Variants in MYO5B observed in about 807,000 individuals in gnomAD.
The protein encoded by MYO5B is myosin VB.
In MYO5B, 143 loss-of-function variants were observed where a neutral mutation model predicts 229.3. The ratio of observed to expected loss-of-function variants is 0.62; its 90% CI spans 0.54 to 0.72. The LOEUF is 0.72. Among genes scored for constraint, MYO5B ranks in the 30% least tolerant of loss-of-function variants. The pLI, the probability that MYO5B is intolerant of heterozygous loss-of-function variation, is 0.00. For missense variants in MYO5B, 2,321 were observed against 2,331.0 expected (o/e 1.00, Z 0.09); for synonymous variants, 918 against 885.2 (o/e 1.04, Z -0.66).
intron 1 of MYO5B, among the ~76,000 whole-genome samples, chr18:50,188,658 A>G (rs2033181995): frequency 6.6e-6 from 1 of 152,014 alleles, no homozygotes; most frequent in Non-Finnish European, 1.5e-5. Flanking sequence ...GTGGTGGCAC[A>G]CACCTGTAGT....
intron 39 of MYO5B, among the ~76,000 whole-genome samples, chr18:49,834,666 T>A (rs2023964839): frequency 6.6e-6 from 1 of 151,958 alleles, no homozygotes; most frequent in Admixed American, 6.6e-5. Flanking sequence ...GAGACAAGAG[T>A]CTCACTCTGT....
chr18:50,037,216 AACACAC>A (rs141553304), intron 3 of MYO5B, among the ~76,000 whole-genome samples: 13 of 146,634 alleles, frequency 8.9e-5, no homozygotes, highest in African/African-American at 2.2e-4. Flanking sequence ...CACACACACA[AACACAC>A]ACACACACAC....
chr18:49,840,127 G>A (rs1393085727), intron 35 of MYO5B: 2 of 152,400 alleles, frequency 1.3e-5, no homozygotes, highest in South Asian at 2.1e-4. Context: ...CAGAGAATAT[G>A]AGCACATGTA....
At chr18:50,071,558 C>A (rs1440457561) in intron 1 of MYO5B, among the ~76,000 whole-genome samples, 2 of 152,210 alleles carry the variant, frequency 1.3e-5, no homozygotes, top group African/African-American at 2.4e-5. Context: ...AATAACTCAT[C>A]AGCACAGGGC....
At chr18:50,176,068 T>C (rs866089955) in intron 1 of MYO5B, among the ~76,000 whole-genome samples, 3 of 152,260 alleles carry the variant, frequency 2.0e-5, no homozygotes, top group Non-Finnish European at 4.4e-5. Context: ...TCCAGGCATT[T>C]TGCTGTCCTG....
chr18:50,153,180 C>T (rs1262874621), intron 1 of MYO5B, among the ~76,000 whole-genome samples: 2 of 152,096 alleles, frequency 1.3e-5, no homozygotes, highest in Non-Finnish European at 2.9e-5. Context: ...AGATGTGGCA[C>T]GTTCGTACTA....
At chr18:50,070,146 C>G (rs2030920443) in intron 1 of MYO5B, among the ~76,000 whole-genome samples, 1 of 151,334 alleles carries the variant, frequency 6.6e-6, no homozygotes, top group African/African-American at 2.4e-5. Flanking sequence ...CTCAGCCTCC[C>G]TAGTAGCTGG....
chr18:50,127,518 C>T (rs2032184412), intron 1 of MYO5B, among the ~76,000 whole-genome samples: 1 of 152,134 alleles, frequency 6.6e-6, no homozygotes, highest in African/African-American at 2.4e-5. Context: ...GAGTCCTCAG[C>T]TGAAAGAGAA....
intron 5 of MYO5B, among the ~76,000 whole-genome samples, chr18:49,993,428 G>A (rs1021641860): frequency 2.6e-5 from 4 of 152,068 alleles, no homozygotes; most frequent in Non-Finnish European, 5.9e-5. Context: ...ATAGTGAGAA[G>A]CAAAAGGTCA....
At chr18:50,118,518 A>G (rs1240637960) in intron 1 of MYO5B, among the ~76,000 whole-genome samples, 3 of 151,934 alleles carry the variant, frequency 2.0e-5, no homozygotes. Flanking sequence ...CTGGTGTGGG[A>G]CTCAATTTGC....
chr18:49,956,313 G>A (rs1278306700), intron 12 of MYO5B, among the ~76,000 whole-genome samples: 1 of 152,188 alleles, frequency 6.6e-6, no homozygotes, highest in Non-Finnish European at 1.5e-5. Flanking sequence ...TGCTATGTTT[G>A]TAAACATTTT....
At chr18:49,933,269 GC>G (rs1329752973) in intron 16 of MYO5B, among the ~76,000 whole-genome samples, 4 of 152,242 alleles carry the variant, frequency 2.6e-5, no homozygotes, top group Non-Finnish European at 5.9e-5. Flanking sequence ...TATGACAACC[GC>G]CCCAGGCCAC....
chr18:50,156,424 C>G (rs939266050), intron 1 of MYO5B, among the ~76,000 whole-genome samples: 1 of 152,146 alleles, frequency 6.6e-6, no homozygotes, highest in Admixed American at 6.5e-5. Flanking sequence ...ATAGTGAGTT[C>G]TCATGAGATC....
chr18:50,167,327 A>C (rs1005090120), intron 1 of MYO5B, among the ~76,000 whole-genome samples: 10 of 152,316 alleles, frequency 6.6e-5, no homozygotes, highest in African/African-American at 1.4e-4. Flanking sequence ...GTATGTCTCC[A>C]AGTACTTTAA....
rs1321478146 is a variant in MYO5B at position 50,058,995 on chromosome 18, A to C, written c.28-3617T>G. 3.3e-5 allele frequency among the ~76,000 whole-genome samples: 5 copies of C among 152,106 alleles called. No homozygotes were observed. In the South Asian group the frequency reaches 1.0e-3, roughly 31 times the overall value. On this transcript the variant is annotated intron_variant, in intron 1 of 39. Transcript: ENST00000285039. Reference sequence around the variant, plus strand: ...TCACTTCCTTCCCTGTTCCCTATAGAGTTAGCCCTACCCAACCATAAGCTG... The same window carrying C: ...TCACTTCCTTCCCTGTTCCCTATAGCGTTAGCCCTACCCAACCATAAGCTG...
At chr18:50,061,334 C>T (rs1568091076) in intron 1 of MYO5B, among the ~76,000 whole-genome samples, 1 of 152,272 alleles carries the variant, frequency 6.6e-6, no homozygotes, top group African/African-American at 2.4e-5. Flanking sequence ...CCCACTATCA[C>T]AGCACATAAG....
Position 49,937,235 on chromosome 18 carries a change from C to T in MYO5B, c.1905+10G>A, listed in dbSNP as rs774571486. 4.7e-5 allele frequency: 76 copies of T among 1,613,848 alleles called. No individual in the cohort carries two copies. The highest frequency in any genetic ancestry group is 5.6e-5 in the Non-Finnish European group (66 of 1,179,886). On this transcript the variant is annotated intron_variant, in intron 15 of 39. Transcript: ENST00000285039. ...GCACCTCAGCCCATAGCTTTTGGTCCGGGGCTGACCTGGTGGCCAACGGTT... is the reference window on the plus strand; with the variant it reads ...GCACCTCAGCCCATAGCTTTTGGTCTGGGGCTGACCTGGTGGCCAACGGTT...
At chr18:49,975,390 A>G (rs971254937) in intron 9 of MYO5B, among the ~76,000 whole-genome samples, 2 of 152,200 alleles carry the variant, frequency 1.3e-5, no homozygotes, top group African/African-American at 4.8e-5. Flanking sequence ...ATATGATACC[A>G]GTGAGTGGTT....
intron 1 of MYO5B, among the ~76,000 whole-genome samples, chr18:50,165,819 A>G (rs1379135449): frequency 6.6e-6 from 1 of 152,154 alleles, no homozygotes; most frequent in East Asian, 1.9e-4. Flanking sequence ...GGAAGAAAAG[A>G]AGGAGAGAAA....
Sources: gnomAD v4.1 joint callset for allele counts (sites outside exome capture counted in the v4.1 genomes callset) on GRCh38, gnomAD v4.1.1 for gene constraint, MANE v1.5 for transcripts, NCBI Gene and HGNC (gene_info 2026-07-23, HGNC 2026-07-21) for gene names.